FGF12: variants seen among roughly 807,000 people sequenced by gnomAD.
FGF12 encodes fibroblast growth factor 12.
In FGF12, 14 loss-of-function variants were observed where a neutral mutation model predicts 23.6. The ratio of observed to expected loss-of-function variants is 0.59; its 90% CI spans 0.39 to 0.93. The LOEUF (loss-of-function observed/expected upper bound fraction) is 0.93. Ranked by LOEUF, FGF12 falls within the 40% of genes least tolerant of loss-of-function variation. The pLI is 0.00. For missense variants in FGF12, 175 were observed against 217.8 expected, an observed-to-expected ratio of 0.80 and a Z score of 1.24; for synonymous variants, 62 against 77.3, an observed-to-expected ratio of 0.80 and a Z score of 1.04.
chr3:192,191,148 C>A (rs1716770140), intron 4 of FGF12, among the ~76,000 whole-genome samples: 2 of 152,052 alleles, frequency 1.3e-5, no homozygotes, highest in Admixed American at 6.5e-5. Context: ...GAAGTATTTT[C>A]ATAAGTAAAA....
At chr3:192,703,142 A>G (rs1718355578) in intron 2 of FGF12, among the ~76,000 whole-genome samples, 1 of 152,172 alleles carries the variant, frequency 6.6e-6, no homozygotes, top group African/African-American at 2.4e-5. Context: ...TAATTTTGGA[A>G]TTGTGTTTTA....
intron 4 of FGF12, among the ~76,000 whole-genome samples, chr3:192,246,309 A>G (rs1201682944): frequency 6.6e-6 from 1 of 152,214 alleles, no homozygotes; most frequent in Non-Finnish European, 1.5e-5. Context: ...ATAAAAGGGA[A>G]AGAAATTAAT....
chr3:192,194,133 T>C (rs765862453), intron 4 of FGF12, among the ~76,000 whole-genome samples: 1 of 152,216 alleles, frequency 6.6e-6, no homozygotes, highest in Non-Finnish European at 1.5e-5. Flanking sequence ...TTCTATTCCT[T>C]CAAGCAGCTG....
At chr3:192,639,949 A>G (rs1715728060) in intron 2 of FGF12, among the ~76,000 whole-genome samples, 1 of 152,174 alleles carries the variant, frequency 6.6e-6, no homozygotes, top group African/African-American at 2.4e-5. Flanking sequence ...GAGGCCAGTA[A>G]GTGAAATAGG....
At chr3:192,307,590 A>G (rs1413190248) in intron 4 of FGF12, among the ~76,000 whole-genome samples, 2 of 152,214 alleles carry the variant, frequency 1.3e-5, no homozygotes, top group African/African-American at 4.8e-5. Context: ...TTTTTTTAAA[A>G]CAAACCAAAC....
chr3:192,213,020 C>T (rs555066313), intron 4 of FGF12, among the ~76,000 whole-genome samples: 1 of 152,270 alleles, frequency 6.6e-6, no homozygotes, highest in East Asian at 1.9e-4. Context: ...GGTCTTTGTC[C>T]CATGTTCTTC....
At chr3:192,419,430 A>C (rs1470388846) in intron 2 of FGF12, among the ~76,000 whole-genome samples, 1 of 152,140 alleles carries the variant, frequency 6.6e-6, no homozygotes, top group Admixed American at 6.6e-5. Flanking sequence ...TAAGAACAAG[A>C]TATCCTGTGT....
chr3:192,708,196 T>C (rs1285381935), intron 2 of FGF12, among the ~76,000 whole-genome samples: 1 of 152,080 alleles, frequency 6.6e-6, no homozygotes, highest in East Asian at 1.9e-4. Flanking sequence ...CCTGACCTCG[T>C]GATCCACCCA....
Position 192,221,586 on chromosome 3 carries a change from A to C in FGF12, c.229-50930T>G, listed in dbSNP as rs545680273. On this transcript the variant is annotated intron_variant, in intron 4 of 5. Coordinates refer to ENST00000445105, the MANE Select transcript of FGF12 (RefSeq NM_004113.6). The stretch of plus-strand genomic sequence containing the variant: ...CTGCTTGGACCTTTAGAACATCATA[A>C]ATAGTCCTTTAAATATCTACATTTT... Among the ~76,000 whole-genome samples, 14 of 152,280 alleles carry C rather than the reference A, an allele frequency of 9.2e-5. No individual in the cohort carries two copies. The South Asian group carries it at 2.9e-3, about 32-fold the overall frequency.
At chr3:192,445,380 T>C (rs1722322668) in intron 2 of FGF12, among the ~76,000 whole-genome samples, 1 of 152,210 alleles carries the variant, frequency 6.6e-6, no homozygotes, top group Non-Finnish European at 1.5e-5. Context: ...CTTTCTTCAT[T>C]GAATCCAGGA....
chr3:192,351,199 A>T (rs893915697), intron 3 of FGF12, among the ~76,000 whole-genome samples: 2 of 152,144 alleles, frequency 1.3e-5, no homozygotes, highest in Non-Finnish European at 2.9e-5. Flanking sequence ...AAAATTTCAG[A>T]TCTATCAGAG....
At chr3:192,241,897 C>A (rs1719635097) in intron 4 of FGF12, among the ~76,000 whole-genome samples, 2 of 152,056 alleles carry the variant, frequency 1.3e-5, no homozygotes, top group South Asian at 4.1e-4. Flanking sequence ...AATAACAAAA[C>A]CAACTGTTCT....
intron 2 of FGF12, among the ~76,000 whole-genome samples, chr3:192,603,023 A>C (rs1472689188): frequency 6.6e-6 from 1 of 152,150 alleles, no homozygotes; most frequent in Non-Finnish European, 1.5e-5. Flanking sequence ...CTAGGCATCA[A>C]AGGAACATAT....
intron 2 of FGF12, among the ~76,000 whole-genome samples, chr3:192,711,709 T>G (rs914073134): frequency 2.0e-4 from 30 of 152,236 alleles, no homozygotes; most frequent in Middle Eastern, 3.4e-3. Flanking sequence ...GATTAAGGGC[T>G]GTGCAAGATG....
intron 4 of FGF12, among the ~76,000 whole-genome samples, chr3:192,233,184 T>C (rs1480957543): frequency 1.3e-5 from 2 of 152,226 alleles, no homozygotes; most frequent in Non-Finnish European, 2.9e-5. Context: ...TGTATAAGCA[T>C]TCCCTTTTTT....
intron 4 of FGF12, among the ~76,000 whole-genome samples, chr3:192,199,343 G>A (rs530084063): frequency 3.9e-5 from 6 of 152,118 alleles, no homozygotes; most frequent in Admixed American, 1.3e-4. Context: ...CCTCCCTAAC[G>A]TTTCACTCAA....
chr3:192,224,780 T>A (rs992831714), intron 4 of FGF12, among the ~76,000 whole-genome samples: 1 of 152,172 alleles, frequency 6.6e-6, no homozygotes, highest in African/African-American at 2.4e-5. Context: ...AACTGAATGT[T>A]CTCAACTGTA....
At chr3:192,193,885 C>T (rs1326100315) in intron 4 of FGF12, among the ~76,000 whole-genome samples, 3 of 152,082 alleles carry the variant, frequency 2.0e-5, no homozygotes, top group East Asian at 1.9e-4. Context: ...GGCTCATCTT[C>T]GTGTACTTGA....
Position 192,408,466 on chromosome 3 carries a change from C to G in FGF12, c.14-47928G>C. The G allele has an allele frequency of 7.4e-7, 1 of 1,344,354 alleles. No homozygotes were observed. The highest frequency in any genetic ancestry group is 1.5e-5 in the African/African-American group (1 of 66,532). 83.3% of individuals were successfully genotyped at this position (1,344,354 alleles called of 1,614,324 possible). A position where few individuals can be genotyped will look rare whatever the true frequency, so the allele number is the denominator to read the frequency against. On this transcript the variant is annotated intron_variant, in intron 2 of 5. Transcript: ENST00000445105. This position sits in a 1 kb window ranked among gnomAD's most constrained non-coding sequence, Gnocchi z 7.3. The stretch of plus-strand genomic sequence containing the variant: ...TCCCCAACCTCTGGCGGCCGGGGGG[C>G]GGGGCGGGGCGGTCCCAGGCCCTCT...
Sources: gnomAD v4.1 joint callset for allele counts (sites outside exome capture counted in the v4.1 genomes callset) on GRCh38, gnomAD v4.1.1 for gene constraint, Gnocchi (gnomAD v3.1) non-coding constraint, MANE v1.5 for transcripts, NCBI Gene and HGNC (gene_info 2026-07-23, HGNC 2026-07-21) for gene names.